DESI1: variants seen among roughly 807,000 people sequenced by gnomAD.
DESI1 encodes PPPDE peptidase domain containing 2.
A neutral mutation model predicts 22.4 loss-of-function variants in DESI1; 17 were observed. That is an observed-to-expected ratio of 0.76 (90% CI 0.52 to 1.14). The LOEUF (loss-of-function observed/expected upper bound fraction) is 1.14, where lower values mean the gene tolerates loss of function less well. Among genes scored for constraint, DESI1 ranks in the 50% most tolerant of loss-of-function variants. The pLI is 0.00. For missense variants in DESI1, 177 were observed against 208.9 expected (o/e 0.85, Z 0.94); for synonymous variants, 92 against 84.2 (o/e 1.09, Z -0.51).
chr22:41,603,456 G>C, intron 4 of DESI1, 75 bp from the exon 5 acceptor site: 1 of 1,601,814 alleles, frequency 6.2e-7, no homozygotes, highest in Non-Finnish European at 8.5e-7. Flanking sequence ...AAGCTAGGCA[G>C]TGGAATGGTG....
intron 1 of DESI1, among the ~76,000 whole-genome samples, chr22:41,620,117 ATTAAC>A (rs1216430662): frequency 6.6e-6 from 1 of 152,180 alleles, no homozygotes; most frequent in East Asian, 1.9e-4. Context: ...AGCAAAAGCA[ATTAAC>A]TTAGAAACTG....
At chr22:41,605,367 G>A (rs1001779533) in intron 3 of DESI1, among the ~76,000 whole-genome samples, 5 of 152,170 alleles carry the variant, frequency 3.3e-5, no homozygotes, top group African/African-American at 4.8e-5. Flanking sequence ...AGAGACTGAG[G>A]TTGAGTGGGG....
At position 41,598,993 on chromosome 22, in the gene DESI1, T is replaced by C. The variant is rs1251664652; in HGVS notation, c.*2104A>G. 1.3e-5 allele frequency: 2 copies of C among 152,250 alleles called. No homozygotes were observed. Among genetic ancestry groups the C allele is most frequent in the African/African-American group, 4.8e-5 (2 of 41,466 alleles). 9.4% of individuals were successfully genotyped at this position (152,250 alleles called of 1,614,324 possible). On this transcript the variant is annotated 3_prime_UTR_variant, in exon 6 of 6. Coordinates refer to ENST00000263256, the MANE Select transcript of DESI1 (RefSeq NM_015704.3). ...GCCTCTACAAGTTCCCAAATGTCACTTGACATCCCAGCTGGTCATGCCCCT... is the reference window on the plus strand; with the variant it reads ...GCCTCTACAAGTTCCCAAATGTCACCTGACATCCCAGCTGGTCATGCCCCT...
intron 4 of DESI1, 93 bp downstream of exon 4, chr22:41,603,951 G>T: frequency 1.8e-6 from 2 of 1,142,136 alleles, no homozygotes; most frequent in African/African-American, 1.5e-5. Context: ...TGTGCTGAGT[G>T]ATAAGGATGA....
Position 41,598,949 on chromosome 22 carries a change from T to C in DESI1, c.*2148A>G, listed in dbSNP as rs1362965707. ...GCAAATCAGTGGGTCTTGAGAAGAATTAAACTTTCAATCATTTGGCCTCTA... is the reference window on the plus strand; with the variant it reads ...GCAAATCAGTGGGTCTTGAGAAGAACTAAACTTTCAATCATTTGGCCTCTA... On this transcript the variant is annotated 3_prime_UTR_variant, in exon 6 of 6. Coordinates refer to ENST00000263256, the MANE Select transcript of DESI1 (RefSeq NM_015704.3). 3.9e-5 allele frequency: 6 copies of C among 152,280 alleles called. No individual in the cohort carries two copies. 9.4% of individuals were successfully genotyped at this position (152,280 alleles called of 1,614,324 possible).
At chr22:41,613,556 G>A (rs2067531076) in intron 1 of DESI1, among the ~76,000 whole-genome samples, 1 of 152,242 alleles carries the variant, frequency 6.6e-6, no homozygotes, top group Non-Finnish European at 1.5e-5. Flanking sequence ...ACCTGGTCCT[G>A]AGATGTGACA....
At chr22:41,608,176 C>T (rs1418519564) in intron 1 of DESI1, among the ~76,000 whole-genome samples, 3 of 152,212 alleles carry the variant, frequency 2.0e-5, no homozygotes, top group Non-Finnish European at 4.4e-5. Context: ...GTCTCACGTA[C>T]AGTAAGACTA....
chr22:41,607,345 A>G lies in DESI1; in HGVS notation c.111-14T>C, dbSNP rs772570859. On this transcript the variant is annotated splice_polypyrimidine_tract_variant and intron_variant, in intron 2 of 5. Coordinates refer to ENST00000263256, the MANE Select transcript of DESI1 (RefSeq NM_015704.3). The stretch of plus-strand genomic sequence containing the variant: ...ATGGATGTGTGCCTGTCACACAGAG[A>G]GAGACACAGTAAGCCAGAAAACTTA... 1 of 1,599,862 alleles carries G rather than the reference A, an allele frequency of 6.3e-7. No homozygotes were observed. The highest frequency in any genetic ancestry group is 8.5e-7 in the Non-Finnish European group (1 of 1,174,560).
chr22:41,602,759 A>G (rs2067456505), intron 5 of DESI1: 1 of 998,976 alleles, frequency 1.0e-6, no homozygotes, highest in African/African-American at 1.7e-5. Flanking sequence ...AGTGTTCTTG[A>G]AGAAAACATC....
intron 3 of DESI1, among the ~76,000 whole-genome samples, 183 bp downstream of exon 3, chr22:41,607,079 C>T (rs932278714): frequency 2.0e-5 from 3 of 152,158 alleles, no homozygotes; most frequent in Admixed American, 6.5e-5. Context: ...AGGACCCACA[C>T]GTGCCATGGG....
chr22:41,599,916 C>G lies in DESI1; in HGVS notation c.*1181G>C, dbSNP rs1021159474. The G allele has an allele frequency of 6.6e-6, 1 of 151,280 alleles. No homozygotes were observed. Among genetic ancestry groups the G allele is most frequent in the African/African-American group, 2.4e-5 (1 of 41,320 alleles). 9.4% of individuals were successfully genotyped at this position (151,280 alleles called of 1,614,324 possible). On this transcript the variant is annotated 3_prime_UTR_variant, in exon 6 of 6. Coordinates refer to ENST00000263256, the MANE Select transcript of DESI1 (RefSeq NM_015704.3). ...TTTCTGGCCAGGCAGCGGTGGCTCA[C>G]GCCTGTAATCCCAGCACTTTGGGAG...
rs1490630217 is a variant in DESI1 at position 41,621,037 on chromosome 22, CAG to C, written c.-200_-199del. 1 of 595,888 alleles carries C rather than the reference CAG, an allele frequency of 1.7e-6. No individual in the cohort carries two copies. Among genetic ancestry groups the C allele is most frequent in the Non-Finnish European group, 2.9e-6 (1 of 342,738 alleles). 36.9% of individuals were successfully genotyped at this position (595,888 alleles called of 1,614,324 possible). ...ACCGGCAACGACTACTGTGAGGTGA[CAG>C]AGAGGGGACAGGGAGGGCCCACACG... On this transcript the variant is annotated 5_prime_UTR_variant, in exon 1 of 6. Coordinates refer to ENST00000263256, the MANE Select transcript of DESI1 (RefSeq NM_015704.3).
intron 1 of DESI1, among the ~76,000 whole-genome samples, chr22:41,617,731 AGATCAGAATCT>A (rs1246848176): frequency 6.6e-6 from 1 of 152,280 alleles, no homozygotes; most frequent in Non-Finnish European, 1.5e-5. Flanking sequence ...TGATTTCCTC[AGATCAGAATCT>A]GATGTGCCCA....
At chr22:41,611,047 C>T (rs146658355) in intron 1 of DESI1, among the ~76,000 whole-genome samples, 17 of 152,258 alleles carry the variant, frequency 1.1e-4, no homozygotes, top group Admixed American at 7.9e-4. Context: ...CCATTTAGGA[C>T]GAGCATCTTC....
rs2067454041 is a variant in DESI1 at position 41,602,386 on chromosome 22, G to C, written c.413+873C>G. ...GGACTGCAAACTCATCGAATGATAG[G>C]AAGGCAGGGCCAGGGCTGGCGGACT... On this transcript the variant is annotated intron_variant, in intron 5 of 5. Transcript: ENST00000263256. 8 of 985,330 alleles carry C rather than the reference G, an allele frequency of 8.1e-6. No homozygotes were observed. In the South Asian group the frequency reaches 3.8e-4, roughly 46 times the overall value. The allele number at this position is 985,330 out of a possible 1,614,324, so 61.0% of individuals were successfully genotyped here. A position where few individuals can be genotyped will look rare whatever the true frequency, so the allele number is the denominator to read the frequency against.
At chr22:41,605,452 T>C (rs2067473693) in intron 3 of DESI1, among the ~76,000 whole-genome samples, 1 of 152,104 alleles carries the variant, frequency 6.6e-6, no homozygotes, top group African/African-American at 2.4e-5. Context: ...AGAACAGAGC[T>C]CCCTGAAAAG....
At chr22:41,607,214 C>T (rs763707396) in intron 3 of DESI1, 48 bp downstream of exon 3, 17 of 1,505,594 alleles carry the variant, frequency 1.1e-5, no homozygotes, top group Admixed American at 4.4e-5. Context: ...CTACAGGAGC[C>T]CCCAGGAACC....
intron 1 of DESI1, among the ~76,000 whole-genome samples, chr22:41,609,360 C>T (rs888910132): frequency 6.6e-6 from 1 of 152,182 alleles, no homozygotes; most frequent in African/African-American, 2.4e-5. Flanking sequence ...TTCTCCAGTT[C>T]AGAGTTGCTG....
Position 41,616,525 on chromosome 22 carries a change from A to AACACAC in DESI1, c.88+4221_88+4226dup, listed in dbSNP as rs55785001. Among the ~76,000 whole-genome samples the AACACAC allele has an allele frequency of 2.8e-3, 409 of 146,700 alleles. 4 individuals carry two copies. In the South Asian group the frequency reaches 0.031, roughly 11 times the overall value. ...ATGAAGTACTTCTTACCACAATTAA[A>AACACAC]ACACACACACACACACACACACACA... is the stretch of plus-strand genomic sequence containing the variant. On this transcript the variant is annotated intron_variant, in intron 1 of 5. Transcript: ENST00000263256.
Sources: gnomAD v4.1 joint callset for allele counts (sites outside exome capture counted in the v4.1 genomes callset) on GRCh38, gnomAD v4.1.1 for gene constraint, MANE v1.5 for transcripts, NCBI Gene and HGNC (gene_info 2026-07-23, HGNC 2026-07-21) for gene names.